The following LDB3 variants were observed in gnomAD, a reference collection of about 807,000 sequenced individuals.
The protein encoded by LDB3 is LIM domain binding 3, also known as LIM domain-binding protein 3.
A neutral mutation model predicts 69.0 loss-of-function variants in LDB3; 49 were observed. The ratio of observed to expected loss-of-function variants is 0.71; its 90% CI spans 0.56 to 0.90. LDB3 has a LOEUF of 0.90. Ranked by LOEUF, LDB3 falls within the 40% of genes least tolerant of loss-of-function variation. The pLI is 0.00. For synonymous variants in LDB3, 387 were observed against 396.2 expected (o/e 0.98, Z 0.28); for missense variants, 928 against 974.1 (o/e 0.95, Z 0.63).
chr10:86,694,643 C>A (rs1238282864), intron 7 of LDB3, among the ~76,000 whole-genome samples: 2 of 152,182 alleles, frequency 1.3e-5, no homozygotes, highest in Non-Finnish European at 2.9e-5. Context: ...GCAGAGCCAC[C>A]CATGTCACTG....
chr10:86,679,341 A>G, intron 2 of LDB3, 26 bp from the exon 3 acceptor site: 5 of 1,613,220 alleles, frequency 3.1e-6, no homozygotes, highest in Non-Finnish European at 3.4e-6. Context: ...CCTTATGCTC[A>G]CCCCCCACCT....
At chr10:86,682,936 T>TCCCC (rs1450725368) in intron 5 of LDB3, among the ~76,000 whole-genome samples, 5 of 146,342 alleles carry the variant, frequency 3.4e-5, no homozygotes, top group African/African-American at 1.1e-4. Context: ...GCCCTCAGCT[T>TCCCC]CCCCACCCCC....
Position 86,681,509 on chromosome 10 carries a change from C to A in LDB3, c.395C>A (p.Thr132Asn). 4 of 1,611,448 alleles carry A rather than the reference C, an allele frequency of 2.5e-6. No homozygotes were observed. The highest frequency in any genetic ancestry group is 3.4e-6 in the Non-Finnish European group (4 of 1,179,744). The change falls in exon 5 of 14, where the codon ACC becomes AAC. Residue 132 changes from threonine (T) to asparagine (N), a missense_variant. Thr to Asn is a moderately conservative substitution (Grantham distance 65). Coordinates refer to ENST00000361373, the MANE Select transcript of LDB3 (RefSeq NM_007078.3). ...CCTGAGGCGAGGGCCAGCCCAGGCA[C>A]CCCAGGCACCCCGGAGCTCAGGCCC... ...PSPEARASPG[T>N]PGTPELRPTF...
At chr10:86,687,386 T>C (rs1845542364) in intron 5 of LDB3, 1 of 1,074,846 alleles carries the variant, frequency 9.3e-7, no homozygotes, top group African/African-American at 1.6e-5. Flanking sequence ...CCTGGAGGCA[T>C]GGCCCTTGGA....
intron 9 of LDB3, among the ~76,000 whole-genome samples, chr10:86,710,750 G>T (rs1013710315): frequency 2.2e-4 from 34 of 152,250 alleles, no homozygotes; most frequent in Non-Finnish European, 7.3e-5. Context: ...CTGAGTCAGG[G>T]CAGGCCTTGC....
Position 86,692,658 on chromosome 10 carries a change from G to A in LDB3, c.896+87G>A, listed in dbSNP as rs928481083. On this transcript the variant is annotated intron_variant, in intron 7 of 13. Transcript: ENST00000361373. ...CCCCAGGTCACATCACTCATGGAAGGGACCTCTCAAGTTCATGGATTTGGA... is the reference window on the plus strand; with the variant it reads ...CCCCAGGTCACATCACTCATGGAAGAGACCTCTCAAGTTCATGGATTTGGA... The A allele has an allele frequency of 2.2e-5, 26 of 1,194,110 alleles. No individual in the cohort carries two copies. The African/African-American group carries it at 3.4e-4, about 16-fold the overall frequency. The allele number at this position is 1,194,110 out of a possible 1,614,324, so 74.0% of individuals were successfully genotyped here. A position where few individuals can be genotyped will look rare whatever the true frequency, so the allele number is the denominator to read the frequency against.
intron 7 of LDB3, among the ~76,000 whole-genome samples, chr10:86,695,088 T>C (rs1845941176): frequency 6.6e-6 from 1 of 152,322 alleles, no homozygotes. Context: ...GCCAATCCTG[T>C]GCATGGTGAC....
At chr10:86,672,048 G>T (rs1033234141) in intron 2 of LDB3, among the ~76,000 whole-genome samples, 1 of 152,180 alleles carries the variant, frequency 6.6e-6, no homozygotes, top group African/African-American at 2.4e-5. Flanking sequence ...GGAGGCAGAG[G>T]TTGCAGTGAG....
chr10:86,728,398 G>A (rs1847335550), intron 13 of LDB3, among the ~76,000 whole-genome samples: 1 of 152,158 alleles, frequency 6.6e-6, no homozygotes, highest in Admixed American at 6.5e-5. Context: ...CCAGAAGAAG[G>A]CGTAAAGCTT....
At chr10:86,692,459 A>G in intron 6 of LDB3, 76 bp from the exon 7 acceptor site, 1 of 1,425,518 alleles carries the variant, frequency 7.0e-7, no homozygotes, top group Non-Finnish European at 9.9e-7. Context: ...CTGGGGACTC[A>G]GTGCCCACAG....
rs1351889251 is a variant in LDB3 at position 86,668,762 on chromosome 10, A to T, written c.71A>T (p.Asn24Ile). The change falls in exon 2 of 14, where the codon AAC (asparagine) becomes ATC (isoleucine). Residue 24 changes from asparagine to isoleucine, a missense_variant. Transcript: ENST00000361373. ...CGTCTGCAGGGGGGCAAGGACTTCA[A>T]CATGCCCCTCACTATCTCCCGGGTG... ...GFRLQGGKDF[N>I]MPLTISRITP... 1 of 1,613,076 alleles carries T rather than the reference A, an allele frequency of 6.2e-7. No homozygotes were observed. Among genetic ancestry groups the T allele is most frequent in the Non-Finnish European group, 8.5e-7 (1 of 1,179,852 alleles).
intron 5 of LDB3, among the ~76,000 whole-genome samples, chr10:86,682,692 A>T (rs2132377856): frequency 6.6e-6 from 1 of 152,290 alleles, no homozygotes; most frequent in South Asian, 2.1e-4. Context: ...CGAATCATGG[A>T]GGAATCACAC....
At chr10:86,700,088 C>A in intron 7 of LDB3, 1 of 983,112 alleles carries the variant, frequency 1.0e-6, no homozygotes, top group African/African-American at 1.7e-5. Context: ...TGTGTCCCAC[C>A]CAAGAGGGGC....
chr10:86,685,998 G>T (rs1008511313), intron 5 of LDB3, among the ~76,000 whole-genome samples: 1 of 152,086 alleles, frequency 6.6e-6, no homozygotes, highest in Admixed American at 6.5e-5. Flanking sequence ...GGGGGAGGGG[G>T]ACACAGGCTG....
intron 5 of LDB3, among the ~76,000 whole-genome samples, chr10:86,683,397 G>T (rs939147090): frequency 1.3e-5 from 2 of 152,198 alleles, no homozygotes; most frequent in Non-Finnish European, 2.9e-5. Flanking sequence ...TTTGCCCAAG[G>T]TCACACAGCT....
chr10:86,722,667 A>G (rs1395043175), intron 12 of LDB3, among the ~76,000 whole-genome samples: 2 of 138,332 alleles, frequency 1.4e-5, no homozygotes, highest in African/African-American at 5.4e-5. Flanking sequence ...TTCTGGGTTC[A>G]AGCAATTCTC....
At chr10:86,674,912 T>C (rs758226939) in intron 2 of LDB3, among the ~76,000 whole-genome samples, 8 of 151,964 alleles carry the variant, frequency 5.3e-5, no homozygotes, top group Non-Finnish European at 8.8e-5. Flanking sequence ...GGTGAAGGCA[T>C]CCGATGGCTC....
intron 13 of LDB3, among the ~76,000 whole-genome samples, chr10:86,730,504 A>G (rs1847417818): frequency 6.6e-6 from 1 of 152,178 alleles, no homozygotes; most frequent in Admixed American, 6.5e-5. Flanking sequence ...GTACAAACCC[A>G]TGAACCCAGA....
chr10:86,671,605 A>AAGGGGGAGCAGCCCAG (rs1844478856), intron 2 of LDB3, among the ~76,000 whole-genome samples: 3 of 152,092 alleles, frequency 2.0e-5, no homozygotes, highest in Non-Finnish European at 4.4e-5. Flanking sequence ...GGAAGTGGAG[A>AAGGGGGAGCAGCCCAG]AGGGGGAGCA....
Sources: gnomAD v4.1 joint callset for allele counts (sites outside exome capture counted in the v4.1 genomes callset) on GRCh38, gnomAD v4.1.1 for gene constraint, MANE v1.5 for transcripts, NCBI Gene and HGNC (gene_info 2026-07-23, HGNC 2026-07-21) for gene names.